The following PTPRM variants were observed in gnomAD, a reference collection of about 807,000 sequenced individuals.
PTPRM encodes receptor-type tyrosine-protein phosphatase mu.
A neutral mutation model predicts 186.7 loss-of-function variants in PTPRM; 47 were observed. That is an observed-to-expected ratio of 0.25 (90% CI 0.20 to 0.32). The LOEUF is 0.32. Among genes scored for constraint, PTPRM ranks in the 10% least tolerant of loss-of-function variants. The probability of loss-of-function intolerance (pLI) is 1.00; values close to 1 mark genes in which losing one functional copy is unlikely to be tolerated. For missense variants in PTPRM, 1,494 were observed against 1,865.0 expected, an observed-to-expected ratio of 0.80 and a Z score of 3.66; for synonymous variants, 668 against 674.9, an observed-to-expected ratio of 0.99 and a Z score of 0.16.
intron 11 of PTPRM, among the ~76,000 whole-genome samples, chr18:8,104,476 G>C (rs974330645): frequency 6.6e-6 from 1 of 152,108 alleles, no homozygotes; most frequent in East Asian, 1.9e-4. Flanking sequence ...GGGGAATCTT[G>C]CTCCATTGTC....
At chr18:7,704,614 C>T (rs1424875116) in intron 1 of PTPRM, among the ~76,000 whole-genome samples, 2 of 151,464 alleles carry the variant, frequency 1.3e-5, no homozygotes, top group African/African-American at 2.4e-5. Flanking sequence ...AAGAAGACAT[C>T]GAAATTTGAA....
At chr18:8,000,380 T>C (rs2083797988) in intron 7 of PTPRM, among the ~76,000 whole-genome samples, 1 of 152,222 alleles carries the variant, frequency 6.6e-6, no homozygotes. Flanking sequence ...TTATTAATCA[T>C]ATCAATTTGT....
intron 14 of PTPRM, among the ~76,000 whole-genome samples, chr18:8,242,010 G>A (rs761991149): frequency 6.6e-6 from 1 of 152,070 alleles, no homozygotes; most frequent in Non-Finnish European, 1.5e-5. Context: ...AAGGGAGAAA[G>A]AATTTTTCCA....
chr18:7,943,905 A>C (rs1348336040), intron 5 of PTPRM, among the ~76,000 whole-genome samples: 4 of 152,206 alleles, frequency 2.6e-5, no homozygotes, highest in Admixed American at 2.6e-4. Flanking sequence ...AAGGTAACAT[A>C]GTCCCAGATT....
intron 9 of PTPRM, among the ~76,000 whole-genome samples, chr18:8,082,020 C>T (rs575201636): frequency 6.6e-6 from 1 of 152,208 alleles, no homozygotes; most frequent in East Asian, 1.9e-4. Context: ...AACAACAAGT[C>T]CCTTAGTAAA....
chr18:8,037,484 A>G (rs946980815), intron 7 of PTPRM, among the ~76,000 whole-genome samples: 4 of 152,174 alleles, frequency 2.6e-5, no homozygotes, highest in African/African-American at 9.7e-5. Context: ...TAAGTGTGAG[A>G]AGCCTATATT....
chr18:7,852,034 T>A (rs2046885734), intron 2 of PTPRM, among the ~76,000 whole-genome samples: 1 of 152,022 alleles, frequency 6.6e-6, no homozygotes, highest in Admixed American at 6.6e-5. Flanking sequence ...AGAAGGGATA[T>A]GTAAAGAACA....
At chr18:8,079,083 A>C (rs2089988358) in intron 9 of PTPRM, among the ~76,000 whole-genome samples, 1 of 149,838 alleles carries the variant, frequency 6.7e-6, no homozygotes, top group Admixed American at 6.8e-5. Context: ...CAAAAGCATT[A>C]ATGATCAAAA....
chr18:7,721,080 T>C (rs1568053472), intron 1 of PTPRM, among the ~76,000 whole-genome samples: 1 of 152,086 alleles, frequency 6.6e-6, no homozygotes, highest in Non-Finnish European at 1.5e-5. Context: ...TATTTTACAT[T>C]CTCACCAATA....
At chr18:8,001,687 T>C (rs963518419) in intron 7 of PTPRM, among the ~76,000 whole-genome samples, 2 of 152,196 alleles carry the variant, frequency 1.3e-5, no homozygotes, top group African/African-American at 2.4e-5. Context: ...CCAAAACCCA[T>C]GTCCCCTTCT....
chr18:8,186,268 G>GT (rs948371759), intron 14 of PTPRM, among the ~76,000 whole-genome samples: 19 of 147,370 alleles, frequency 1.3e-4, no homozygotes, highest in African/African-American at 4.5e-4. Context: ...GAAGGTTGCA[G>GT]TGAGCGGAGA....
intron 7 of PTPRM, among the ~76,000 whole-genome samples, chr18:8,005,411 A>G (rs1372154958): frequency 1.3e-5 from 2 of 152,218 alleles, no homozygotes; most frequent in Admixed American, 6.5e-5. Context: ...CTAGCTTTCT[A>G]ATGCAGAAAT....
At chr18:7,952,274 TG>T (rs2053016535) in intron 6 of PTPRM, among the ~76,000 whole-genome samples, 1 of 152,276 alleles carries the variant, frequency 6.6e-6, no homozygotes, top group Non-Finnish European at 1.5e-5. Flanking sequence ...ATTAGTTTTA[TG>T]GTGTCCTTTC....
At chr18:7,651,185 A>C (rs1188170148) in intron 1 of PTPRM, among the ~76,000 whole-genome samples, 2 of 152,054 alleles carry the variant, frequency 1.3e-5, no homozygotes, top group Admixed American at 1.3e-4. Flanking sequence ...AGCCTCCAAA[A>C]ATGCTAGAAT....
rs576820431 is a variant in PTPRM, at chr18:7,794,156, C to A, written c.196+19885C>A. Among the ~76,000 whole-genome samples the A allele has an allele frequency of 2.0e-5, 3 of 152,270 alleles. No individual in the cohort carries two copies. The South Asian group carries it at 6.2e-4, about 32-fold the overall frequency. The stretch of plus-strand genomic sequence containing the variant: ...AATCTCACGTGTGATCTGATTCTTC[C>A]GGTACACTAAGGAAAGAACTCTGGG... On this transcript the variant is annotated intron_variant, in intron 2 of 32. Transcript: ENST00000580170.
chr18:7,991,946 A>G (rs536525104), intron 7 of PTPRM, among the ~76,000 whole-genome samples: 1 of 152,162 alleles, frequency 6.6e-6, no homozygotes, highest in East Asian at 1.9e-4. Context: ...ATCCAATATG[A>G]TGTTTCTTGG....
chr18:7,625,522 A>C (rs933242329), intron 1 of PTPRM, among the ~76,000 whole-genome samples: 1 of 137,472 alleles, frequency 7.3e-6, no homozygotes, highest in East Asian at 2.2e-4. Context: ...TTGAATGAAA[A>C]GGTTGGGAGT....
At position 8,402,518 on chromosome 18, in the gene PTPRM, A is replaced by C. The variant is rs147534572; in HGVS notation, c.4345-3591A>C. Among the ~76,000 whole-genome samples, 381 of 152,316 alleles carry C rather than the reference A, an allele frequency of 2.5e-3. 2 individuals carry two copies. The highest frequency in any genetic ancestry group is 4.6e-3 in the Non-Finnish European group (313 of 68,020). Reference sequence around the variant, plus strand: ...TAACATGTTAAAAGGAAATATGTTAAAAGGATGGCTCTGAGTAGCCACTGA... The same window carrying C: ...TAACATGTTAAAAGGAAATATGTTACAAGGATGGCTCTGAGTAGCCACTGA... On this transcript the variant is annotated intron_variant, in intron 32 of 32. Transcript: ENST00000580170.
At chr18:8,385,392 C>G (rs940410223) in intron 30 of PTPRM, among the ~76,000 whole-genome samples, 3 of 152,132 alleles carry the variant, frequency 2.0e-5, no homozygotes, top group African/African-American at 7.2e-5. Flanking sequence ...AAAAGAAGTA[C>G]TGGGGTTAGA....
Sources: allele counts gnomAD v4.1 joint callset (sites outside exome capture counted in the v4.1 genomes callset), GRCh38; gene constraint gnomAD v4.1.1; transcripts MANE v1.5; gene names NCBI Gene and HGNC (gene_info 2026-07-23, HGNC 2026-07-21).